The following TNPO1 variants were observed in gnomAD, a reference collection of about 807,000 sequenced individuals.
The protein encoded by TNPO1 is transportin-1.
A neutral mutation model predicts 119.5 loss-of-function variants in TNPO1; 8 were observed. The ratio of observed to expected loss-of-function variants is 0.07; its 90% confidence interval spans 0.04 to 0.12. The LOEUF (loss-of-function observed/expected upper bound fraction) is 0.12, where lower values mean the gene tolerates loss of function less well. Ranked by LOEUF, TNPO1 falls within the 10% of genes least tolerant of loss-of-function variation. TNPO1 has a pLI of 1.00. For missense variants in TNPO1, 576 were observed against 1,089.8 expected (o/e 0.53, Z 6.64); for synonymous variants, 362 against 363.0 (o/e 1.00, Z 0.03).
At chr5:72,883,698 A>T (rs1268121769) in intron 11 of TNPO1, among the ~76,000 whole-genome samples, 2 of 152,134 alleles carry the variant, frequency 1.3e-5, no homozygotes, top group East Asian at 3.8e-4. Context: ...TGATGCTATA[A>T]ATACTCATGT....
In TNPO1 at chr5:72,848,334, A is replaced by T; in HGVS notation, c.16-51A>T. 2.6e-6 allele frequency: 4 copies of T among 1,558,158 alleles called. No individual in the cohort carries two copies. The East Asian group carries it at 9.7e-5, about 38-fold the overall frequency. On this transcript the variant is annotated intron_variant, in intron 1 of 24. Coordinates refer to ENST00000337273, the MANE Select transcript of TNPO1 (RefSeq NM_002270.4). ...GCGCGGGAAGCCTCTGGGCCTGTGC[A>T]CCGGGAGTAACAGTTGCTCCGTCTC... is the stretch of plus-strand genomic sequence containing the variant.
chr5:72,897,922 T>G lies in TNPO1; in HGVS notation c.2338+771T>G, dbSNP rs1034168416. ...AAATAAGGTTTTCCAAATAAGAAAG[T>G]TACTTTTCAAAGGCATTTTTATTTG... On this transcript the variant is annotated intron_variant, in intron 20 of 24. Transcript: ENST00000337273. Among the ~76,000 whole-genome samples the G allele has an allele frequency of 3.9e-5, 6 of 152,254 alleles. No homozygotes were observed. In the South Asian group the frequency reaches 1.2e-3, roughly 32 times the overall value.
chr5:72,858,256 G>A (rs577667110), intron 4 of TNPO1, among the ~76,000 whole-genome samples: 1 of 152,280 alleles, frequency 6.6e-6, no homozygotes, highest in Admixed American at 6.5e-5. Context: ...GATTGACCAT[G>A]TATTAATGAC....
intron 15 of TNPO1, among the ~76,000 whole-genome samples, chr5:72,892,311 A>G (rs1022020285): frequency 6.6e-6 from 1 of 151,962 alleles, no homozygotes; most frequent in Non-Finnish European, 1.5e-5. Flanking sequence ...TTTCATTGCA[A>G]ACTTTTATAT....
At chr5:72,848,202 G>A in intron 1 of TNPO1, 183 bp from the exon 2 acceptor site, 2 of 1,238,224 alleles carry the variant, frequency 1.6e-6, no homozygotes, top group Non-Finnish European at 2.0e-6. Flanking sequence ...GCCAGGAGCA[G>A]TTCCGCCGGG....
intron 5 of TNPO1, among the ~76,000 whole-genome samples, chr5:72,864,785 T>A (rs759521262): frequency 7.2e-5 from 11 of 151,950 alleles, no homozygotes; most frequent in Non-Finnish European, 1.2e-4. Context: ...ATTTTTTTGT[T>A]TTTAGTAGAG....
intron 3 of TNPO1, among the ~76,000 whole-genome samples, chr5:72,853,523 C>G (rs1381576264): frequency 1.3e-5 from 2 of 152,128 alleles, no homozygotes; most frequent in African/African-American, 4.8e-5. Flanking sequence ...ATTACAAAAC[C>G]ATAAAATGTT....
At position 72,820,243 on chromosome 5, in the gene TNPO1, A is replaced by G. The variant is rs561585128; in HGVS notation, c.15+3491A>G. 3.1e-3 allele frequency among the ~76,000 whole-genome samples: 466 copies of G among 152,324 alleles called. 2 individuals carry two copies. The highest frequency in any genetic ancestry group is 0.011 in the African/African-American group (442 of 41,586). ...TTTTGCAGTTATAAGAAACACTGCA[A>G]TGAACATCCTCATACAAAAATCAAT... is the stretch of plus-strand genomic sequence containing the variant. On this transcript the variant is annotated intron_variant, in intron 1 of 24. Transcript: ENST00000337273.
chr5:72,819,836 T>C (rs901045477), intron 1 of TNPO1, among the ~76,000 whole-genome samples: 2 of 152,224 alleles, frequency 1.3e-5, no homozygotes, highest in African/African-American at 4.8e-5. Context: ...CACTTTTTCA[T>C]CTTATGTTAT....
intron 14 of TNPO1, among the ~76,000 whole-genome samples, chr5:72,890,541 A>G (rs562288600): frequency 1.2e-3 from 179 of 152,318 alleles, no homozygotes; most frequent in African/African-American, 4.1e-3. Flanking sequence ...TATGATTGCT[A>G]TATCCAAAGT....
At chr5:72,851,202 G>T in intron 2 of TNPO1, 42 bp from the exon 3 acceptor site, 1 of 1,181,482 alleles carries the variant, frequency 8.5e-7, no homozygotes, top group Non-Finnish European at 1.2e-6. Context: ...ATTTCTTCCT[G>T]AGATTACACA....
At chr5:72,861,740 A>C in intron 4 of TNPO1, 68 bp from the exon 5 acceptor site, 1 of 1,090,702 alleles carries the variant, frequency 9.2e-7, no homozygotes, top group Non-Finnish European at 1.4e-6. Flanking sequence ...TTGTGCACAC[A>C]GTTGCTCACA....
At position 72,910,650 on chromosome 5, in the gene TNPO1, C is replaced by T. The variant is rs1168158200; in HGVS notation, c.*1977C>T. On this transcript the variant is annotated 3_prime_UTR_variant, in exon 25 of 25. Transcript: ENST00000337273. ...GAATAACCATTTTTATAAGCAGTTGCTCCTCTTTGCATGGTTCTATTCTCT... is the reference window on the plus strand; with the variant it reads ...GAATAACCATTTTTATAAGCAGTTGTTCCTCTTTGCATGGTTCTATTCTCT... 2.0e-5 allele frequency: 3 copies of T among 152,620 alleles called. No individual in the cohort carries two copies. Among genetic ancestry groups the T allele is most frequent in the Non-Finnish European group, 4.4e-5 (3 of 67,974 alleles). 9.5% of individuals were successfully genotyped at this position (152,620 alleles called of 1,614,324 possible).
chr5:72,844,481 G>C (rs2112227141), intron 1 of TNPO1, among the ~76,000 whole-genome samples: 1 of 152,282 alleles, frequency 6.6e-6, no homozygotes, highest in Middle Eastern at 3.4e-3. Flanking sequence ...GCATAAAGTT[G>C]GAAGTTGAGT....
intron 20 of TNPO1, 36 bp from the exon 21 acceptor site, chr5:72,899,970 G>A: frequency 4.4e-6 from 7 of 1,587,690 alleles, no homozygotes; most frequent in Non-Finnish European, 6.0e-6. Context: ...CTTGGTTGGC[G>A]TTTGGTGGTG....
At chr5:72,904,124 C>T (rs1260226088) in intron 23 of TNPO1, among the ~76,000 whole-genome samples, 1 of 152,096 alleles carries the variant, frequency 6.6e-6, no homozygotes, top group African/African-American at 2.4e-5. Flanking sequence ...TAAATGGCTG[C>T]CACAGGAGTA....
At chr5:72,818,065 G>A (rs1347929701) in intron 1 of TNPO1, among the ~76,000 whole-genome samples, 1 of 152,230 alleles carries the variant, frequency 6.6e-6, no homozygotes, top group African/African-American at 2.4e-5. Flanking sequence ...TAGCTATGCA[G>A]TGCATAAATT....
chr5:72,818,075 T>TTA (rs1363492117), intron 1 of TNPO1, among the ~76,000 whole-genome samples: 1 of 152,226 alleles, frequency 6.6e-6, no homozygotes, highest in Admixed American at 6.5e-5. Context: ...GTGCATAAAT[T>TTA]TATACTAGCT....
At position 72,872,673 on chromosome 5, in the gene TNPO1, A is replaced by G; in HGVS notation, c.631A>G (p.Ile211Val). ...TGTTGCATGTGTCAATCAGTTTATC[A>G]TCAGTAGGACTCAAGCTCTAATGTT... Reference protein sequence around the residue: ...HAVACVNQFIISRTQALMLHI... With the variant: ...HAVACVNQFIVSRTQALMLHI... The change falls in exon 7 of 25, where the codon ATC becomes GTC. Residue 211 changes from isoleucine (I) to valine (V), a missense_variant. By Grantham distance (29) the Ile-to-Val change is conservative. This residue lies in a region of TNPO1 where 310 missense variants were observed against 583.0 expected (regional missense o/e 0.53). Coordinates refer to ENST00000337273, the MANE Select transcript of TNPO1 (RefSeq NM_002270.4). The G allele has an allele frequency of 1.2e-6, 2 of 1,611,312 alleles. No homozygotes were observed. Among genetic ancestry groups the G allele is most frequent in the Non-Finnish European group, 8.5e-7 (1 of 1,178,818 alleles).
Sources: allele counts gnomAD v4.1 joint callset (sites outside exome capture counted in the v4.1 genomes callset), GRCh38; gene constraint gnomAD v4.1.1; regional missense constraint gnomAD v4.1.1; transcripts MANE v1.5; gene names NCBI Gene and HGNC (gene_info 2026-07-23, HGNC 2026-07-21).